The following MFSD6 variants were observed in gnomAD, a reference collection of about 807,000 sequenced individuals.
MFSD6 encodes the protein major facilitator superfamily domain containing 6, also known as major facilitator superfamily domain-containing protein 6.
A neutral mutation model predicts 56.3 loss-of-function variants in MFSD6; 26 were observed. That is an observed-to-expected ratio of 0.46 (90% confidence interval 0.34 to 0.64). The LOEUF is 0.64. Ranked by LOEUF, MFSD6 falls within the 30% of genes least tolerant of loss-of-function variation. The pLI is 0.01. For missense variants in MFSD6, 750 were observed against 986.2 expected (o/e 0.76, Z 3.21); for synonymous variants, 331 against 366.9 (o/e 0.90, Z 1.12).
chr2:190,421,737 T>TAAAA (rs1685624780), intron 2 of MFSD6, among the ~76,000 whole-genome samples: 2 of 138,472 alleles, frequency 1.4e-5, no homozygotes, highest in South Asian at 4.6e-4. Context: ...AAAAAAAAAT[T>TAAAA]TTTTTTAAAG....
At chr2:190,479,238 T>A (rs916389066) in intron 4 of MFSD6, among the ~76,000 whole-genome samples, 22 of 152,252 alleles carry the variant, frequency 1.4e-4, no homozygotes, top group Non-Finnish European at 2.1e-4. Flanking sequence ...ATCTTTCTCA[T>A]GTTCAGTAAG....
At position 190,494,132 on chromosome 2, in the gene MFSD6, G is replaced by C. The variant is rs943920762; in HGVS notation, c.1892-3307G>C. On this transcript the variant is annotated intron_variant, in intron 6 of 7. Transcript: ENST00000392328. The surrounding 1 kb of genome is among the most constrained non-coding windows in gnomAD (Gnocchi z 5.7). Reference sequence around the variant, plus strand: ...AACAAGATTAACCAAGAAAAGAAAAGAGAAAATCCAAATAAGCTTAATTAG... The same window carrying C: ...AACAAGATTAACCAAGAAAAGAAAACAGAAAATCCAAATAAGCTTAATTAG... Among the ~76,000 whole-genome samples, 2 of 151,942 alleles carry C rather than the reference G, an allele frequency of 1.3e-5. No homozygotes were observed. Among genetic ancestry groups the C allele is most frequent in the Admixed American group, 6.6e-5 (1 of 15,262 alleles).
intron 3 of MFSD6, chr2:190,444,860 C>T (rs1686514366): frequency 2.4e-6 from 2 of 820,988 alleles, no homozygotes; most frequent in Non-Finnish European, 2.9e-6. Flanking sequence ...TTTTAAATTC[C>T]AATTATTTTA....
At position 190,425,373 on chromosome 2, in the gene MFSD6, A is replaced by G. The variant is rs913739348; in HGVS notation, c.-54+9960A>G. On this transcript the variant is annotated intron_variant, in intron 2 of 7. Coordinates refer to ENST00000392328, the MANE Select transcript of MFSD6 (RefSeq NM_017694.4). This position sits in a 1 kb window ranked among gnomAD's most constrained non-coding sequence, Gnocchi z 4.3. ...GTGAGAACTTCCAGCATTGTGTTGC[A>G]TAAGAATGATGAGAACAGACAGTCT... 2.0e-5 allele frequency among the ~76,000 whole-genome samples: 3 copies of G among 152,186 alleles called. No individual in the cohort carries two copies. Among genetic ancestry groups the G allele is most frequent in the Non-Finnish European group, 2.9e-5 (2 of 68,042 alleles).
intron 2 of MFSD6, among the ~76,000 whole-genome samples, chr2:190,421,007 T>C (rs549675003): frequency 1.7e-4 from 26 of 152,358 alleles, no homozygotes; most frequent in Middle Eastern, 3.4e-3. Flanking sequence ...TCTGGACTTA[T>C]GTAACCAGAG....
chr2:190,407,818 T>C (rs531154051), upstream of MFSD6, among the ~76,000 whole-genome samples: 1 of 152,212 alleles, frequency 6.6e-6, no homozygotes, highest in African/African-American at 2.4e-5. This position sits in a 1 kb window ranked among gnomAD's most constrained non-coding sequence, Gnocchi z 5.4. Flanking sequence ...CGGGTCAACC[T>C]GGGACAGACG....
chr2:190,435,117 G>A (rs146423563), intron 2 of MFSD6, among the ~76,000 whole-genome samples: 55 of 152,274 alleles, frequency 3.6e-4, no homozygotes, highest in Non-Finnish European at 7.1e-4. Context: ...AGTCCCTGGT[G>A]CCAAAATGGT....
intron 3 of MFSD6, among the ~76,000 whole-genome samples, chr2:190,446,636 G>A (rs1379740595): frequency 6.6e-6 from 1 of 152,170 alleles, no homozygotes; most frequent in Non-Finnish European, 1.5e-5. Flanking sequence ...TTATAAAGAA[G>A]CTAATGAAAC....
chr2:190,432,226 G>C (rs1218634573), intron 2 of MFSD6, among the ~76,000 whole-genome samples: 1 of 152,184 alleles, frequency 6.6e-6, no homozygotes. Flanking sequence ...TAGAGAAGAG[G>C]CTTTAACTTT....
At chr2:190,483,572 C>T (rs1441835379) in intron 4 of MFSD6, among the ~76,000 whole-genome samples, 1 of 152,140 alleles carries the variant, frequency 6.6e-6, no homozygotes, top group African/African-American at 2.4e-5. Flanking sequence ...CGCAGTGGCT[C>T]ACGCCCGTAA....
At chr2:190,420,392 C>G (rs962725070) in intron 2 of MFSD6, among the ~76,000 whole-genome samples, 2 of 151,814 alleles carry the variant, frequency 1.3e-5, no homozygotes, top group Non-Finnish European at 2.9e-5. Flanking sequence ...GGCATTAATC[C>G]CATCAAAAAG....
At chr2:190,483,375 CTCTCT>C (rs1688811022) in intron 4 of MFSD6, among the ~76,000 whole-genome samples, 1 of 152,214 alleles carries the variant, frequency 6.6e-6, no homozygotes, top group African/African-American at 2.4e-5. Context: ...TATTCAACAA[CTCTCT>C]TCTCTGTGTG....
intron 3 of MFSD6, among the ~76,000 whole-genome samples, chr2:190,449,798 G>A (rs1438638175): frequency 6.6e-6 from 1 of 152,034 alleles, no homozygotes; most frequent in African/African-American, 2.4e-5. Context: ...CTCACTCATA[G>A]GTGGGAACTG....
Position 190,426,735 on chromosome 2 carries a change from C to T in MFSD6, c.-53-9242C>T, listed in dbSNP as rs1459310394. ...TCTCAATGTTGGCATCCATTGATTG[C>T]CTTTCTCCATTCAGTTTGAGATCTT... On this transcript the variant is annotated intron_variant, in intron 2 of 7. Coordinates refer to ENST00000392328, the MANE Select transcript of MFSD6 (RefSeq NM_017694.4). The surrounding 1 kb of genome is among the most constrained non-coding windows in gnomAD (Gnocchi z 4.7). Among the ~76,000 whole-genome samples the T allele has an allele frequency of 6.6e-6, 1 of 151,938 alleles. No individual in the cohort carries two copies. Among genetic ancestry groups the T allele is most frequent in the African/African-American group, 2.4e-5 (1 of 41,380 alleles).
intron 3 of MFSD6, among the ~76,000 whole-genome samples, chr2:190,450,230 T>C (rs1453290871): frequency 6.6e-6 from 1 of 152,080 alleles, no homozygotes; most frequent in Non-Finnish European, 1.5e-5. Context: ...TATTTCTACA[T>C]ATACATGGAA....
intron 3 of MFSD6, among the ~76,000 whole-genome samples, chr2:190,441,451 G>T (rs1181902049): frequency 6.7e-6 from 1 of 149,004 alleles, no homozygotes; most frequent in African/African-American, 2.5e-5. Context: ...GGAGGCATAG[G>T]TAAGGGGAGG....
intron 4 of MFSD6, among the ~76,000 whole-genome samples, chr2:190,473,746 C>G (rs965857711): frequency 6.6e-6 from 1 of 152,204 alleles, no homozygotes; most frequent in Non-Finnish European, 1.5e-5. Flanking sequence ...GAACTCTCCA[C>G]CCCAAATCAA....
In MFSD6 at chr2:190,423,676, T is replaced by TCCTA. The variant is rs1254548523; in HGVS notation, c.-54+8263_-54+8264insCCTA. Among the ~76,000 whole-genome samples, 1 of 152,222 alleles carries TCCTA rather than the reference T, an allele frequency of 6.6e-6. No homozygotes were observed. The highest frequency in any genetic ancestry group is 1.5e-5 in the Non-Finnish European group (1 of 68,040). Reference sequence around the variant, plus strand: ...TCCCAGAAGTGTAATTACTGGGTTTTATGGTAATCATGTATTTAGTTTTAT... The same window carrying TCCTA: ...TCCCAGAAGTGTAATTACTGGGTTTTCCTAATGGTAATCATGTATTTAGTTTTAT... On this transcript the variant is annotated intron_variant, in intron 2 of 7. Coordinates refer to ENST00000392328, the MANE Select transcript of MFSD6 (RefSeq NM_017694.4). The surrounding 1 kb of genome is among the most constrained non-coding windows in gnomAD (Gnocchi z 4.3).
intron 3 of MFSD6, among the ~76,000 whole-genome samples, chr2:190,440,080 T>C (rs540482403): frequency 2.6e-4 from 39 of 152,338 alleles, no homozygotes; most frequent in African/African-American, 8.9e-4. Context: ...CCTTTATGCA[T>C]GCATGTATAT....
Sources: allele counts gnomAD v4.1 joint callset (sites outside exome capture counted in the v4.1 genomes callset), GRCh38; gene constraint gnomAD v4.1.1; non-coding constraint Gnocchi (gnomAD v3.1); transcripts MANE v1.5; gene names NCBI Gene and HGNC (gene_info 2026-07-23, HGNC 2026-07-21).